DLG4: variants seen among roughly 807,000 people sequenced by gnomAD.
DLG4 encodes the protein disks large homolog 4.
Under a neutral mutation model 93.8 loss-of-function variants are expected in DLG4, and 7 were observed. That is an observed-to-expected ratio of 0.07 (90% CI 0.04 to 0.14). DLG4 has a LOEUF of 0.14. DLG4 is among the 10% of genes least tolerant of loss of function. The pLI is 1.00. For missense variants in DLG4, 545 were observed against 992.9 expected (o/e 0.55, Z 6.06); for synonymous variants, 341 against 387.6 (o/e 0.88, Z 1.41).
In DLG4 at chr17:7,195,747, A is replaced by G. The variant is rs1250661615; in HGVS notation, c.1301+473T>C. ...GCGGGAGAGAGGTGTGTTTTGGCAG[A>G]AACCTAAGCCACAAAAAGAGTCAAT... On this transcript the variant is annotated intron_variant, in intron 11 of 19. Coordinates refer to ENST00000399506, the MANE Select transcript of DLG4 (RefSeq NM_001321075.3). This position sits in a 1 kb window ranked among gnomAD's most constrained non-coding sequence, Gnocchi z 4.3. Among the ~76,000 whole-genome samples the G allele has an allele frequency of 1.3e-5, 2 of 152,180 alleles. No homozygotes were observed. Among genetic ancestry groups the G allele is most frequent in the African/African-American group, 4.8e-5 (2 of 41,450 alleles).
Position 7,194,612 on chromosome 17 carries a change from T to G in DLG4, c.1302-117A>C. On this transcript the variant is annotated intron_variant, in intron 11 of 19. Coordinates refer to ENST00000399506, the MANE Select transcript of DLG4 (RefSeq NM_001321075.3). This position sits in a 1 kb window ranked among gnomAD's most constrained non-coding sequence, Gnocchi z 4.4. ...ATGGCACTCCCATGGGAGCTATGGA[T>G]GCCGAGGAACCCAAAACTGTGTGGG... 2 of 1,169,092 alleles carry G rather than the reference T, an allele frequency of 1.7e-6. No individual in the cohort carries two copies. 72.4% of individuals were successfully genotyped at this position (1,169,092 alleles called of 1,614,324 possible).
chr17:7,217,088 C>T, intron 1 of DLG4, 30 bp downstream of exon 1: 6 of 1,283,232 alleles, frequency 4.7e-6, no homozygotes, highest in Non-Finnish European at 5.9e-6. Context: ...ATACCCTCCC[C>T]CCAGTTTATA....
At chr17:7,219,519 G>A (rs1013747831), upstream of DLG4, 61 of 1,069,198 alleles carry the variant, frequency 5.7e-5, no homozygotes, top group Admixed American at 9.8e-5. Flanking sequence ...CCTCCCTTTT[G>A]TGTTGGCCGA....
chr17:7,218,405 C>A (rs1394382428), upstream of DLG4: 1 of 1,384,812 alleles, frequency 7.2e-7, no homozygotes, highest in Non-Finnish European at 1.0e-6. Flanking sequence ...CTGGTCCACA[C>A]TCATGGAGGA....
Position 7,193,137 on chromosome 17 carries a change from C to G in DLG4, c.1694-20G>C, listed in dbSNP as rs1231237550. 3.1e-6 allele frequency: 5 copies of G among 1,612,548 alleles called. No individual in the cohort carries two copies. Among genetic ancestry groups the G allele is most frequent in the Non-Finnish European group, 4.2e-6 (5 of 1,179,102 alleles). ...TCGTATCTGCCAGGAAGTCACCCCACCCCCCAAAGATCTAACCACCATCCC... is the reference window on the plus strand; with the variant it reads ...TCGTATCTGCCAGGAAGTCACCCCAGCCCCCAAAGATCTAACCACCATCCC... On this transcript the variant is annotated intron_variant, in intron 16 of 19. Coordinates refer to ENST00000399506, the MANE Select transcript of DLG4 (RefSeq NM_001321075.3). This position sits in a 1 kb window ranked among gnomAD's most constrained non-coding sequence, Gnocchi z 6.7.
rs2069605842 is a variant in DLG4, at chr17:7,193,439, C to T, written c.1693+44G>A. ...CCAGGGATGGGCCTCCCCTGCCCCA[C>T]CCCCACTTCCACCTTCTCCTCCATC... On this transcript the variant is annotated intron_variant, in intron 16 of 19. Coordinates refer to ENST00000399506, the MANE Select transcript of DLG4 (RefSeq NM_001321075.3). This position sits in a 1 kb window ranked among gnomAD's most constrained non-coding sequence, Gnocchi z 6.7. 6.7e-7 allele frequency: 1 copy of T among 1,494,426 alleles called. No homozygotes were observed. The highest frequency in any genetic ancestry group is 1.4e-5 in the South Asian group (1 of 71,112). The allele number at this position is 1,494,426 out of a possible 1,614,324, so 92.6% of individuals were successfully genotyped here.
At position 7,203,468 on chromosome 17, in the gene DLG4, G is replaced by A. The variant is rs779621148; in HGVS notation, c.461C>T (p.Pro154Leu). ...VRLYVMRRKP[P>L]AEKVMEIKLI... is the part of the protein sequence containing the mutation. ...CTTGATCTCCATGACCTTCTCAGCC[G>A]GGGGCTTCCGGCGCATGACATAGAG... The change falls in exon 6 of 20, where the codon CCG becomes CTG. Residue 154 changes from proline (P) to leucine (L), a missense_variant. Transcript: ENST00000399506. The surrounding 1 kb of genome is among the most constrained non-coding windows in gnomAD (Gnocchi z 7.2). 3.5e-5 allele frequency: 56 copies of A among 1,612,102 alleles called. No individual in the cohort carries two copies. Among genetic ancestry groups the A allele is most frequent in the African/African-American group, 5.3e-5 (4 of 74,882 alleles).
intron 8 of DLG4, among the ~76,000 whole-genome samples, chr17:7,199,390 G>A (rs1004673425): frequency 2.0e-5 from 3 of 151,846 alleles, no homozygotes; most frequent in Admixed American, 6.6e-5. Context: ...TAGTAGAGAC[G>A]GGGTTTCGCC....
chr17:7,211,103 G>T (rs2070686208), intron 1 of DLG4, among the ~76,000 whole-genome samples: 1 of 146,746 alleles, frequency 6.8e-6, no homozygotes, highest in South Asian at 2.2e-4. Context: ...ACATGTAGGG[G>T]GGCGGGGAGA....
Position 7,191,997 on chromosome 17 carries a change from C to T in DLG4, c.1872G>A (p.Lys624=). ...QSVREVAEQG[K]HCILDVSANA... is the part of the protein sequence containing the mutation. Reference sequence around the variant, plus strand: ...TGGCCGAGACATCGAGGATGCAGTGCTTCCCCTGGGGGCAGGCAGGGTGGG... The same window carrying T: ...TGGCCGAGACATCGAGGATGCAGTGTTTCCCCTGGGGGCAGGCAGGGTGGG... Residue 624 remains lysine, a synonymous_variant, in exon 18 of 20, where the codon AAG becomes AAA. Coordinates refer to ENST00000399506, the MANE Select transcript of DLG4 (RefSeq NM_001321075.3). The surrounding 1 kb of genome is among the most constrained non-coding windows in gnomAD (Gnocchi z 6.6). The T allele has an allele frequency of 7.0e-7, 1 of 1,437,738 alleles. No individual in the cohort carries two copies. The highest frequency in any genetic ancestry group is 9.2e-7 in the Non-Finnish European group (1 of 1,089,632). 89.1% of individuals were successfully genotyped at this position (1,437,738 alleles called of 1,614,324 possible).
chr17:7,195,095 G>C lies in DLG4; in HGVS notation c.1302-600C>G, dbSNP rs2069706888. On this transcript the variant is annotated intron_variant, in intron 11 of 19. Coordinates refer to ENST00000399506, the MANE Select transcript of DLG4 (RefSeq NM_001321075.3). This position sits in a 1 kb window ranked among gnomAD's most constrained non-coding sequence, Gnocchi z 4.3. ...ACACACGCACATCATAAAGTCACAG[G>C]GGTAACCCTGAATCTGCCCAAATTC... Among the ~76,000 whole-genome samples the C allele has an allele frequency of 6.6e-6, 1 of 152,006 alleles. No homozygotes were observed. Among genetic ancestry groups the C allele is most frequent in the African/African-American group, 2.4e-5 (1 of 41,380 alleles).
At chr17:7,210,602 C>T (rs1331602606) in intron 1 of DLG4, among the ~76,000 whole-genome samples, 1 of 152,166 alleles carries the variant, frequency 6.6e-6, no homozygotes, top group Non-Finnish European at 1.5e-5. Context: ...GGGCAGTGCA[C>T]AAGCTGAGGG....
At chr17:7,211,808 C>G (rs1443862873) in intron 1 of DLG4, 1 of 23,604 alleles carries the variant, frequency 4.2e-5, no homozygotes, top group Admixed American at 7.0e-4. Flanking sequence ...GCCGCGGCAA[C>G]TGGAGGCTGC....
rs138507692 is a variant in DLG4 at position 7,195,815 on chromosome 17, C to T, written c.1301+405G>A. Among the ~76,000 whole-genome samples, 866 of 152,248 alleles carry T rather than the reference C, an allele frequency of 5.7e-3. 8 individuals carry two copies. The highest frequency in any genetic ancestry group is 0.019 in the African/African-American group (805 of 41,540). On this transcript the variant is annotated intron_variant, in intron 11 of 19. Coordinates refer to ENST00000399506, the MANE Select transcript of DLG4 (RefSeq NM_001321075.3). This position sits in a 1 kb window ranked among gnomAD's most constrained non-coding sequence, Gnocchi z 4.3. ...GGGGAGCAAAATGCCGCTGGAGAGA[C>T]GGGGGCAGGCACCACAGAGCTGCGG...
chr17:7,192,878 G>A, intron 17 of DLG4, 67 bp downstream of exon 17: 2 of 1,487,566 alleles, frequency 1.3e-6, no homozygotes, highest in Non-Finnish European at 1.8e-6. Context: ...GTTAGAGAAA[G>A]CTGGAGGGAG....
intron 1 of DLG4, among the ~76,000 whole-genome samples, chr17:7,214,833 A>C (rs1256870655): frequency 1.3e-5 from 2 of 152,200 alleles, no homozygotes; most frequent in Admixed American, 1.3e-4. Flanking sequence ...AGAAAGACAA[A>C]GTGATCGCTG....
chr17:7,216,871 C>A (rs189750951), intron 1 of DLG4, among the ~76,000 whole-genome samples: 1 of 152,110 alleles, frequency 6.6e-6, no homozygotes, highest in East Asian at 1.9e-4. Context: ...CCCGCCAGGC[C>A]CCCCGAACCA....
At chr17:7,201,054 G>A (rs2070108060) in intron 8 of DLG4, among the ~76,000 whole-genome samples, 1 of 151,722 alleles carries the variant, frequency 6.6e-6, no homozygotes, top group African/African-American at 2.4e-5. Flanking sequence ...AGTAGAGACA[G>A]CGTTTCTCCA....
intron 1 of DLG4, among the ~76,000 whole-genome samples, chr17:7,216,238 C>CT (rs1476296231): frequency 6.6e-6 from 1 of 152,110 alleles, no homozygotes; most frequent in East Asian, 1.9e-4. Flanking sequence ...ATCTGCTCTT[C>CT]TCCCTCTCTC....
Sources: allele counts gnomAD v4.1 joint callset (sites outside exome capture counted in the v4.1 genomes callset), GRCh38; gene constraint gnomAD v4.1.1; non-coding constraint Gnocchi (gnomAD v3.1); transcripts MANE v1.5; gene names NCBI Gene and HGNC (gene_info 2026-07-23, HGNC 2026-07-21).